The following SFMBT2 variants were observed in gnomAD, a reference collection of about 807,000 sequenced individuals.
SFMBT2 encodes the protein scm-like with four MBT domains protein 2.
In SFMBT2, 38 loss-of-function variants were observed where a neutral mutation model predicts 110.1. That is an observed-to-expected ratio of 0.35 (90% CI 0.27 to 0.45). SFMBT2 has a LOEUF of 0.45. Among genes scored for constraint, SFMBT2 ranks in the 20% least tolerant of loss-of-function variants. SFMBT2 has a pLI of 1.00. For missense variants in SFMBT2, 1,011 were observed against 1,094.9 expected, an observed-to-expected ratio of 0.92 and a Z score of 1.08; for synonymous variants, 425 against 425.4, an observed-to-expected ratio of 1.00 and a Z score of 0.01.
chr10:7,220,376 C>A, intron 11 of SFMBT2, 35 bp downstream of exon 11: 2 of 1,591,848 alleles, frequency 1.3e-6, no homozygotes, highest in South Asian at 1.1e-5. Context: ...ACTCTACATT[C>A]CCCCCAGCGA....
chr10:7,198,585 TCCACTCTG>T (rs1016010238), intron 14 of SFMBT2, among the ~76,000 whole-genome samples: 1 of 152,248 alleles, frequency 6.6e-6, no homozygotes, highest in African/African-American at 2.4e-5. Flanking sequence ...GTTGCACTTC[TCCACTCTG>T]CCAGTCTGAA....
chr10:7,207,369 A>AAAGG (rs1475000610), intron 11 of SFMBT2, among the ~76,000 whole-genome samples: 8 of 151,170 alleles, frequency 5.3e-5, no homozygotes, highest in East Asian at 1.9e-4. Context: ...AGAAAGGAAG[A>AAAGG]AAGGAAGGAA....
chr10:7,275,578 T>G (rs1266993170), intron 7 of SFMBT2, among the ~76,000 whole-genome samples: 3 of 152,174 alleles, frequency 2.0e-5, no homozygotes, highest in African/African-American at 7.2e-5. Flanking sequence ...CCACCACAAC[T>G]GTCGGCTTCA....
chr10:7,310,599 G>A (rs1290677407), intron 4 of SFMBT2, among the ~76,000 whole-genome samples: 1 of 152,194 alleles, frequency 6.6e-6, no homozygotes, highest in African/African-American at 2.4e-5. Flanking sequence ...TTTACTTTTG[G>A]CAAAGTCTGT....
intron 11 of SFMBT2, chr10:7,219,571 T>G (rs1000273572): frequency 5.3e-6 from 1 of 189,322 alleles, no homozygotes; most frequent in African/African-American, 2.4e-5. Flanking sequence ...TTCTAAACTC[T>G]TTATTCCAAT....
chr10:7,207,755 T>G (rs1839200524), intron 11 of SFMBT2, among the ~76,000 whole-genome samples: 1 of 152,324 alleles, frequency 6.6e-6, no homozygotes, highest in Non-Finnish European at 1.5e-5. Flanking sequence ...CAAGTAGACA[T>G]GGTGAAGATG....
intron 4 of SFMBT2, among the ~76,000 whole-genome samples, chr10:7,340,893 A>C (rs1843880375): frequency 6.6e-6 from 1 of 152,132 alleles, no homozygotes; most frequent in African/African-American, 2.4e-5. Flanking sequence ...GGTACACAGA[A>C]ACTAAAGGCA....
Position 7,249,533 on chromosome 10 carries a change from T to C in SFMBT2, c.871-884A>G. On this transcript the variant is annotated intron_variant, in intron 7 of 20. Coordinates refer to ENST00000397167, the MANE Select transcript of SFMBT2 (RefSeq NM_001387889.1). ...TAATACCTGCAAATAAATCCTGCGA[T>C]TTCCAAATACATCAATTGGGTGTGA... 3 of 985,396 alleles carry C rather than the reference T, an allele frequency of 3.0e-6. No homozygotes were observed. The African/African-American group carries it at 5.2e-5, about 17-fold the overall frequency. The allele number at this position is 985,396 out of a possible 1,614,324, so 61.0% of individuals were successfully genotyped here.
chr10:7,276,591 C>T (rs556108605), intron 7 of SFMBT2, among the ~76,000 whole-genome samples: 43 of 152,262 alleles, frequency 2.8e-4, no homozygotes, highest in Admixed American at 6.5e-5. Flanking sequence ...TGCAATGGTG[C>T]GATCTCAGCT....
chr10:7,312,318 C>T (rs988017050), intron 4 of SFMBT2, among the ~76,000 whole-genome samples: 2 of 152,092 alleles, frequency 1.3e-5, no homozygotes, highest in Non-Finnish European at 2.9e-5. Flanking sequence ...CCGAGGGAGC[C>T]GAGGCCACCA....
rs1846283788 is a variant in SFMBT2, at chr10:7,408,525, G to A, written c.-52+2336C>T. Among the ~76,000 whole-genome samples the A allele has an allele frequency of 6.6e-6, 1 of 152,238 alleles. No homozygotes were observed. Among genetic ancestry groups the A allele is most frequent in the Non-Finnish European group, 1.5e-5 (1 of 68,036 alleles). On this transcript the variant is annotated intron_variant, in intron 1 of 20. Coordinates refer to ENST00000397167, the MANE Select transcript of SFMBT2 (RefSeq NM_001387889.1). This position sits in a 1 kb window ranked among gnomAD's most constrained non-coding sequence, Gnocchi z 5.7. ...CAGGCACCTGGCCGCTGCCAGATCA[G>A]GTTCGCGGGCCCGGAGGAGGTCCTC...
chr10:7,375,866 T>G (rs532999236), intron 2 of SFMBT2, among the ~76,000 whole-genome samples: 1 of 150,450 alleles, frequency 6.6e-6, no homozygotes, highest in Non-Finnish European at 1.5e-5. Flanking sequence ...GGAATACCAT[T>G]GAGTCACACA....
intron 15 of SFMBT2, among the ~76,000 whole-genome samples, chr10:7,196,781 G>T (rs117278804): frequency 6.6e-6 from 1 of 152,306 alleles, no homozygotes; most frequent in Non-Finnish European, 1.5e-5. Flanking sequence ...GTACGGATAC[G>T]TGTAAGAAAA....
chr10:7,405,549 C>T (rs1464074508), intron 1 of SFMBT2, among the ~76,000 whole-genome samples: 5 of 152,160 alleles, frequency 3.3e-5, no homozygotes, highest in East Asian at 1.9e-4. Context: ...TTCACAAGCA[C>T]GGTTGCACAT....
At chr10:7,315,118 G>GAAAGAAAGAAAGAAAGAAAGAAAGAA (rs1564435740) in intron 4 of SFMBT2, among the ~76,000 whole-genome samples, 3 of 140,686 alleles carry the variant, frequency 2.1e-5, no homozygotes, top group African/African-American at 8.0e-5. Context: ...GAAAAAGCAA[G>GAAAGAAAGAAAGAAAGAAAGAAAGAA]CAAGCAAGCC....
chr10:7,399,084 A>G (rs1192211427), intron 1 of SFMBT2, among the ~76,000 whole-genome samples: 1 of 152,224 alleles, frequency 6.6e-6, no homozygotes, highest in Admixed American at 6.5e-5. Context: ...CAAAATACCA[A>G]TAACGAAGAG....
At chr10:7,410,378 C>T (rs1715224234) in intron 1 of SFMBT2, among the ~76,000 whole-genome samples, 1 of 152,260 alleles carries the variant, frequency 6.6e-6, no homozygotes, top group African/African-American at 2.4e-5. Context: ...AAAGGGGAGA[C>T]CCCAGCGCGG....
intron 4 of SFMBT2, among the ~76,000 whole-genome samples, chr10:7,326,306 A>G (rs764320393): frequency 2.6e-5 from 4 of 152,262 alleles, no homozygotes; most frequent in Non-Finnish European, 5.9e-5. Flanking sequence ...GTCTGGCAGA[A>G]CATTTCAAGA....
intron 11 of SFMBT2, among the ~76,000 whole-genome samples, chr10:7,218,696 A>G (rs1839622369): frequency 6.6e-6 from 1 of 152,248 alleles, no homozygotes; most frequent in South Asian, 2.1e-4. Flanking sequence ...AAAAATCTGT[A>G]TTCAAAGAGA....
Sources: allele counts gnomAD v4.1 joint callset (sites outside exome capture counted in the v4.1 genomes callset), GRCh38; gene constraint gnomAD v4.1.1; non-coding constraint Gnocchi (gnomAD v3.1); transcripts MANE v1.5; gene names NCBI Gene and HGNC (gene_info 2026-07-23, HGNC 2026-07-21).